Variants in GPR85 observed in about 807,000 individuals in gnomAD.
The protein encoded by GPR85 is probable G protein-coupled receptor 85.
Under a neutral mutation model 21.3 loss-of-function variants are expected in GPR85, and 7 were observed. The ratio of observed to expected loss-of-function variants is 0.33; its 90% CI spans 0.19 to 0.62. GPR85 has a LOEUF of 0.62. GPR85 is among the 20% of genes least tolerant of loss of function. The pLI, the probability that GPR85 is intolerant of heterozygous loss-of-function variation, is 0.80. For missense variants in GPR85, 299 were observed against 443.8 expected, an observed-to-expected ratio of 0.67 and a Z score of 2.93; for synonymous variants, 167 against 166.1, an observed-to-expected ratio of 1.01 and a Z score of -0.04.
chr7:113,084,447 A>ATC lies in GPR85; in HGVS notation c.274_275insGA (p.Leu92ArgfsTer2). Reference sequence around the variant, plus strand: ...CAGAAAGGCAATCACTTTGCAAGTCAGAGTCCCATAAGTCCAGGTAGAACC... The same window carrying ATC: ...CAGAAAGGCAATCACTTTGCAAGTCATCGAGTCCCATAAGTCCAGGTAGAACC... On this transcript the variant is annotated frameshift_variant, in exon 3 of 3. Coordinates refer to ENST00000424100, the MANE Select transcript of GPR85 (RefSeq NM_001146267.2). LOFTEE classifies it high-confidence loss of function. 6.2e-7 allele frequency: 1 copy of ATC among 1,614,138 alleles called. No homozygotes were observed.
chr7:113,084,891 T>TA lies in GPR85; in HGVS notation c.-170-1_-170insT. The TA allele has an allele frequency of 3.1e-6, 1 of 322,934 alleles. No homozygotes were observed. Among genetic ancestry groups the TA allele is most frequent in the East Asian group, 5.3e-5 (1 of 18,698 alleles). The allele number at this position is 322,934 out of a possible 1,614,324, so 20.0% of individuals were successfully genotyped here. On this transcript the variant is annotated splice_region_variant and 5_prime_UTR_variant. Transcript: ENST00000424100. Reference sequence around the variant, plus strand: ...TTCCACTTGTTTTGCCATCAGAATATCTGAAAAAAAAAAAAAAAAAAACCT... The same window carrying TA: ...TTCCACTTGTTTTGCCATCAGAATATACTGAAAAAAAAAAAAAAAAAAACCT...
At chr7:113,086,237 G>C in intron 1 of GPR85, 85 bp downstream of exon 1, 1 of 149,526 alleles carries the variant, frequency 6.7e-6, no homozygotes, top group Non-Finnish European at 1.5e-5. Context: ...CTGAGGGAGG[G>C]CTCTTTCTCG....
chr7:113,086,396 C>CTTTTTTTTTTTTTTTTTGTTT lies in GPR85; in HGVS notation c.-364_-363insAAACAAAAAAAAAAAAAAAAA, dbSNP rs1794283401. The CTTTTTTTTTTTTTTTTTGTTT allele has an allele frequency of 4.2e-5, 2 of 48,064 alleles. No homozygotes were observed. The highest frequency in any genetic ancestry group is 7.1e-5 in the Non-Finnish European group (2 of 28,130). 3.0% of individuals were successfully genotyped at this position (48,064 alleles called of 1,614,324 possible). ...CTGATTTTTTTCTTTTTTTCTTTTT[C>CTTTTTTTTTTTTTTTTTGTTT]TTTTTTTTTTTTTTTTTTTTGTTTT... is the stretch of plus-strand genomic sequence containing the variant. On this transcript the variant is annotated 5_prime_UTR_variant, in exon 1 of 3. Transcript: ENST00000424100.
Position 113,083,819 on chromosome 7 carries a change from G to A in GPR85, c.903C>T (p.Tyr301=), listed in dbSNP as rs1315396223. The change falls in exon 3 of 3, where the codon TAC becomes TAT. Residue 301 remains tyrosine (Y), a synonymous_variant. Transcript: ENST00000424100. This position sits in a 1 kb window ranked among gnomAD's most constrained non-coding sequence, Gnocchi z 4.4. ...AAACTCTCCAATAACAGGCCACCAG[G>A]TAGGGGCCCCACAAGGTTAGAAACA... ...TFLFLTLWGP[Y]LVACYWRVFA... The A allele has an allele frequency of 6.8e-6, 11 of 1,614,016 alleles. No homozygotes were observed. The highest frequency in any genetic ancestry group is 8.5e-6 in the Non-Finnish European group (10 of 1,179,988).
At chr7:113,087,002 A>G (rs892884560), upstream of GPR85, among the ~76,000 whole-genome samples, 1 of 152,162 alleles carries the variant, frequency 6.6e-6, no homozygotes, top group South Asian at 2.1e-4. Flanking sequence ...CTGGAAAAAG[A>G]CAAGAAAAGA....
rs753235673 is a variant in GPR85, at chr7:113,084,635, G to A, written c.87C>T (p.Phe29=). 3 of 1,613,610 alleles carry A rather than the reference G, an allele frequency of 1.9e-6. No individual in the cohort carries two copies. Among genetic ancestry groups the A allele is most frequent in the Non-Finnish European group, 2.5e-6 (3 of 1,179,604 alleles). Residue 29 remains phenylalanine, a synonymous_variant, in exon 3 of 3, where the codon TTC becomes TTT. Transcript: ENST00000424100. ...TGCCCACCACGCTGACTCCTATTAT[G>A]AAACCCAAGGAAGTCAGTTTCAGAA... ...TAFLKLTSLG[F]IIGVSVVGNL...
rs561351139 is a variant in GPR85, at chr7:113,082,850, A to G, written c.*759T>C. 6.6e-6 allele frequency: 1 copy of G among 152,550 alleles called. No individual in the cohort carries two copies. Among genetic ancestry groups the G allele is most frequent in the East Asian group, 1.9e-4 (1 of 5,188 alleles). The allele number at this position is 152,550 out of a possible 1,614,324, so 9.4% of individuals were successfully genotyped here. On this transcript the variant is annotated 3_prime_UTR_variant, in exon 3 of 3. Transcript: ENST00000424100. ...TCAGTTGTGACAGGCTGGTACCATT[A>G]ATGTTGCCTCCCAGACCAATATCTA... is the stretch of plus-strand genomic sequence containing the variant.
Position 113,084,896 on chromosome 7 carries a change from A to T in GPR85, c.-170-5T>A. The T allele has an allele frequency of 2.0e-4, 52 of 258,862 alleles. No homozygotes were observed. Among genetic ancestry groups the T allele is most frequent in the Middle Eastern group, 1.1e-3 (1 of 876 alleles). The allele number at this position is 258,862 out of a possible 1,614,324, so 16.0% of individuals were successfully genotyped here. ...CTTGTTTTGCCATCAGAATATCTGA[A>T]AAAAAAAAAAAAAAAAACCTATCAG... On this transcript the variant is annotated splice_polypyrimidine_tract_variant and splice_region_variant and intron_variant, in intron 2 of 2. Transcript: ENST00000424100.
At position 113,084,673 on chromosome 7, in the gene GPR85, G is replaced by T. The variant is rs372485352; in HGVS notation, c.49C>A (p.Pro17Thr). Residue 17 changes from proline to threonine, a missense_variant, in exon 3 of 3, where the codon CCT becomes ACT. By Grantham distance (38) the Pro-to-Thr change is conservative (BLOSUM62 -1). This residue lies in a region of GPR85 where 101 missense variants were observed against 108.4 expected (regional missense o/e 0.93). Coordinates refer to ENST00000424100, the MANE Select transcript of GPR85 (RefSeq NM_001146267.2). ...AADNILQNLS[P>T]LTAFLKLTSL... ...GTCAGTTTCAGAAAGGCTGTTAGAG[G>T]CGAGAGATTTTGCAAAATGTTGTCA... 8 of 1,613,544 alleles carry T rather than the reference G, an allele frequency of 5.0e-6. No individual in the cohort carries two copies. The African/African-American group carries it at 1.1e-4, about 22-fold the overall frequency.
Position 113,083,897 on chromosome 7 carries a change from G to A in GPR85, c.825C>T (p.Asp275=), listed in dbSNP as rs780612275. The A allele has an allele frequency of 3.7e-6, 6 of 1,613,966 alleles. No individual in the cohort carries two copies. Among genetic ancestry groups the A allele is most frequent in the Admixed American group, 1.7e-5 (1 of 59,998 alleles). ...TGATTCTTTTCTCCATTTTGAACTC[G>A]TCTAAGACCAATAGCCTTCTTCTGC... ...TTGRRRLLVL[D]EFKMEKRISR... is the part of the protein sequence containing the mutation. Residue 275 remains aspartate, a synonymous_variant, in exon 3 of 3, where the codon GAC becomes GAT. Transcript: ENST00000424100. The surrounding 1 kb of genome is among the most constrained non-coding windows in gnomAD (Gnocchi z 4.4).
At chr7:113,085,495 C>T (rs988756628) in intron 2 of GPR85, among the ~76,000 whole-genome samples, 2 of 152,158 alleles carry the variant, frequency 1.3e-5, no homozygotes, top group African/African-American at 4.8e-5. Context: ...CCATTTCTGG[C>T]AAATCTTTTA....
chr7:113,084,939 A>C (rs1400902396), intron 2 of GPR85, 48 bp from the exon 3 acceptor site: 1 of 488,366 alleles, frequency 2.0e-6, no homozygotes, highest in African/African-American at 2.0e-5. Context: ...GTTAACAAGC[A>C]ATGATGTCAG....
In GPR85 at chr7:113,084,125, C is replaced by G. The variant is rs748663821; in HGVS notation, c.597G>C (p.Gln199His). ...AAAATATCAGCTTGAGGTAGACAAG[C>G]TGTGTGGCTAGGAGGATGAGAGCAA... ...LLLALILLAT[Q>H]LVYLKLIFFV... The change falls in exon 3 of 3, where the codon CAG (glutamine) becomes CAC (histidine). Residue 199 changes from glutamine to histidine, a missense_variant. By Grantham distance (24) the Gln-to-His change is conservative. Around this residue, in one of 2 missense-constraint regions of GPR85, gnomAD observed 198 missense variants for 335.4 expected, o/e 0.59. Transcript: ENST00000424100. 1 of 1,614,150 alleles carries G rather than the reference C, an allele frequency of 6.2e-7. No individual in the cohort carries two copies. Among genetic ancestry groups the G allele is most frequent in the South Asian group, 1.1e-5 (1 of 91,082 alleles).
intron 1 of GPR85, 94 bp from the exon 2 acceptor site, chr7:113,086,203 C>CACACACACACACACAGAG (rs1794275274): frequency 4.1e-5 from 1 of 24,448 alleles, no homozygotes; most frequent in Admixed American, 6.1e-4. Context: ...CAGAGACACA[C>CACACACACACACACAGAG]ACACACACAC....
chr7:113,084,578 A>G lies in GPR85; in HGVS notation c.144T>C (p.Asp48=). ...AGTAAGGTGCTCTATGCAAGGTCTT[A>G]TCTTTCACTAGCAAAATGGAGATCA... The part of the protein sequence containing the change: ...NLLISILLVK[D]KTLHRAPYYF... Residue 48 remains aspartate (D), a synonymous_variant, in exon 3 of 3, where the codon GAT becomes GAC. Coordinates refer to ENST00000424100, the MANE Select transcript of GPR85 (RefSeq NM_001146267.2). 6.2e-7 allele frequency: 1 copy of G among 1,613,924 alleles called. No individual in the cohort carries two copies. Among genetic ancestry groups the G allele is most frequent in the Non-Finnish European group, 8.5e-7 (1 of 1,179,782 alleles).
intron 1 of GPR85, 94 bp from the exon 2 acceptor site, chr7:113,086,203 C>CACACACACACACACACACAGAG (rs1562996681): frequency 4.1e-5 from 1 of 24,448 alleles, no homozygotes; most frequent in Non-Finnish European, 2.7e-4. Flanking sequence ...CAGAGACACA[C>CACACACACACACACACACAGAG]ACACACACAC....
At position 113,082,428 on chromosome 7, in the gene GPR85, TAC is replaced by T. The variant is rs370800021; in HGVS notation, c.*1179_*1180del. ...AAACTGAAATAATTTAAATTACCAA[TAC>T]ACTGAATGTGCAGAAAGTATAAACA... On this transcript the variant is annotated 3_prime_UTR_variant, in exon 3 of 3. Transcript: ENST00000424100. 11 of 152,700 alleles carry T rather than the reference TAC, an allele frequency of 7.2e-5. No homozygotes were observed. The highest frequency in any genetic ancestry group is 2.6e-4 in the African/African-American group (11 of 41,566). 9.5% of individuals were successfully genotyped at this position (152,700 alleles called of 1,614,324 possible).
rs1180337817 is a variant in GPR85 at position 113,082,913 on chromosome 7, A to G, written c.*696T>C. 1 of 152,624 alleles carries G rather than the reference A, an allele frequency of 6.6e-6. No homozygotes were observed. The highest frequency in any genetic ancestry group is 2.4e-5 in the African/African-American group (1 of 41,446). 9.5% of individuals were successfully genotyped at this position (152,624 alleles called of 1,614,324 possible). ...TATAAATGAATTGGAAAAACTTTAT[A>G]CCAAATCAACAAAAACCACATAATA... On this transcript the variant is annotated 3_prime_UTR_variant, in exon 3 of 3. Coordinates refer to ENST00000424100, the MANE Select transcript of GPR85 (RefSeq NM_001146267.2).
chr7:113,085,841 G>A (rs1259309807), intron 2 of GPR85, among the ~76,000 whole-genome samples, 151 bp downstream of exon 2: 2 of 152,114 alleles, frequency 1.3e-5, no homozygotes, highest in African/African-American at 2.4e-5. Context: ...GCAAAACTGC[G>A]TTCGATGATT....
Sources: gnomAD v4.1 joint callset for allele counts (sites outside exome capture counted in the v4.1 genomes callset) on GRCh38, gnomAD v4.1.1 for gene constraint, gnomAD v4.1.1 regional missense constraint, Gnocchi (gnomAD v3.1) non-coding constraint, MANE v1.5 for transcripts, NCBI Gene and HGNC (gene_info 2026-07-23, HGNC 2026-07-21) for gene names.